The following TBCK variants were observed in gnomAD, a reference collection of about 807,000 sequenced individuals.
The protein encoded by TBCK is TBC domain-containing protein kinase-like protein.
A neutral mutation model predicts 113.4 loss-of-function variants in TBCK; 99 were observed. The ratio of observed to expected loss-of-function variants is 0.87; its 90% confidence interval spans 0.74 to 1.03. The LOEUF is 1.03. Ranked by LOEUF, TBCK falls within the 50% of genes least tolerant of loss-of-function variation. The pLI is 0.00. For missense variants in TBCK, 1,045 were observed against 1,061.3 expected (o/e 0.98, Z 0.21); for synonymous variants, 369 against 370.8 (o/e 1.00, Z 0.05).
At chr4:106,280,196 C>T (rs1036163523) in intron 3 of TBCK, among the ~76,000 whole-genome samples, 1 of 151,940 alleles carries the variant, frequency 6.6e-6, no homozygotes, top group African/African-American at 2.4e-5. Flanking sequence ...GATGTTCAGC[C>T]CCTTTTCATA....
intron 1 of TBCK, among the ~76,000 whole-genome samples, chr4:106,312,579 A>G (rs557231668): frequency 6.6e-5 from 10 of 152,126 alleles, no homozygotes; most frequent in Non-Finnish European, 1.3e-4. Context: ...CTAACTTATG[A>G]CTCAGAAATT....
chr4:106,293,001 T>C (rs984312062), intron 3 of TBCK, among the ~76,000 whole-genome samples: 4 of 152,210 alleles, frequency 2.6e-5, no homozygotes, highest in Admixed American at 2.6e-4. Context: ...AGGGCCTTCT[T>C]TCTCCCAACT....
At chr4:106,142,289 A>G (rs1174911551) in intron 23 of TBCK, among the ~76,000 whole-genome samples, 1 of 152,180 alleles carries the variant, frequency 6.6e-6, no homozygotes, top group Non-Finnish European at 1.5e-5. Flanking sequence ...GGTTTGGAGA[A>G]CAAAGGATGA....
At chr4:106,258,735 C>A (rs1762231175) in intron 5 of TBCK, among the ~76,000 whole-genome samples, 1 of 151,918 alleles carries the variant, frequency 6.6e-6, no homozygotes, top group Non-Finnish European at 1.5e-5. Context: ...AAAGAAGCAG[C>A]AGCAATCACT....
intron 23 of TBCK, among the ~76,000 whole-genome samples, chr4:106,144,542 G>A (rs1747532789): frequency 6.6e-6 from 1 of 152,114 alleles, no homozygotes; most frequent in African/African-American, 2.4e-5. Flanking sequence ...AAAGTGCCTG[G>A]CACATGGTAG....
At chr4:106,130,522 A>G (rs1458485427) in intron 23 of TBCK, among the ~76,000 whole-genome samples, 2 of 151,986 alleles carry the variant, frequency 1.3e-5, no homozygotes, top group Non-Finnish European at 2.9e-5. Flanking sequence ...AGGGGATATT[A>G]TATATTATCA....
chr4:106,236,371 T>A lies in TBCK; in HGVS notation c.1350+19A>T. ...TCCATATGGGCTATTGTTAACACTT[T>A]ATACTTTAGAATCCATACCTTTAGC... On this transcript the variant is annotated intron_variant, in intron 14 of 25. Transcript: ENST00000394708. The A allele has an allele frequency of 7.0e-7, 1 of 1,434,356 alleles. No individual in the cohort carries two copies. The highest frequency in any genetic ancestry group is 9.2e-7 in the Non-Finnish European group (1 of 1,089,894). 88.9% of individuals were successfully genotyped at this position (1,434,356 alleles called of 1,614,324 possible).
chr4:106,056,980 G>A (rs1735507677), intron 25 of TBCK, among the ~76,000 whole-genome samples: 1 of 151,760 alleles, frequency 6.6e-6, no homozygotes, highest in African/African-American at 2.4e-5. Context: ...ATATTTACAT[G>A]AAAGGTTAAC....
intron 3 of TBCK, among the ~76,000 whole-genome samples, chr4:106,278,304 T>A (rs1764218382): frequency 6.6e-6 from 1 of 152,074 alleles, no homozygotes; most frequent in Non-Finnish European, 1.5e-5. Context: ...ATGCCTGTAA[T>A]CCTAGCATTT....
chr4:106,060,325 T>C (rs981430466), intron 25 of TBCK, among the ~76,000 whole-genome samples: 14 of 151,782 alleles, frequency 9.2e-5, no homozygotes, highest in African/African-American at 3.4e-4. Flanking sequence ...CTGACTCTCC[T>C]GTTAGAGGCT....
chr4:106,087,596 G>C (rs1480839673), intron 25 of TBCK, among the ~76,000 whole-genome samples: 1 of 152,138 alleles, frequency 6.6e-6, no homozygotes, highest in Non-Finnish European at 1.5e-5. Context: ...AATTTCATAT[G>C]AAATCAAAGA....
At chr4:106,256,974 T>C (rs973675014) in intron 5 of TBCK, among the ~76,000 whole-genome samples, 1 of 152,112 alleles carries the variant, frequency 6.6e-6, no homozygotes, top group Non-Finnish European at 1.5e-5. Context: ...CACTTGCGTA[T>C]CTTTTTATAA....
Position 106,159,317 on chromosome 4 carries a change from C to G in TBCK, c.2235+11778G>C, listed in dbSNP as rs139928775. On this transcript the variant is annotated intron_variant, in intron 23 of 25. Coordinates refer to ENST00000394708, the MANE Select transcript of TBCK (RefSeq NM_001163435.3). ...GAAATTAGGCAAGAAAAAGAAAAGC[C>G]ATCCACTGAAAAGTAAGAAGTAAAT... Among the ~76,000 whole-genome samples the G allele has an allele frequency of 1.9e-3, 288 of 152,076 alleles. 2 individuals are homozygous for G. The highest frequency in any genetic ancestry group is 6.5e-3 in the African/African-American group (269 of 41,526).
intron 23 of TBCK, among the ~76,000 whole-genome samples, chr4:106,142,455 G>A (rs1158080452): frequency 1.3e-5 from 2 of 152,146 alleles, no homozygotes; most frequent in Admixed American, 1.3e-4. Context: ...AAGTTTATAT[G>A]TAATTTTTGA....
intron 12 of TBCK, among the ~76,000 whole-genome samples, chr4:106,237,156 T>C (rs1579349692): frequency 6.6e-6 from 1 of 151,962 alleles, no homozygotes; most frequent in African/African-American, 2.4e-5. Context: ...AGAAAGATGA[T>C]TAAAAAGAGG....
At chr4:106,269,050 A>T (rs954741405) in intron 3 of TBCK, among the ~76,000 whole-genome samples, 1 of 152,180 alleles carries the variant, frequency 6.6e-6, no homozygotes, top group African/African-American at 2.4e-5. Context: ...CTTTCACCTT[A>T]TAAAACCTGA....
At chr4:106,211,963 A>G (rs1756189036) in intron 20 of TBCK, among the ~76,000 whole-genome samples, 1 of 152,028 alleles carries the variant, frequency 6.6e-6, no homozygotes, top group East Asian at 1.9e-4. Flanking sequence ...CTTCCTAAAA[A>G]ATTATAATTG....
chr4:106,255,213 C>T (rs1417174828), intron 5 of TBCK, among the ~76,000 whole-genome samples: 1 of 152,184 alleles, frequency 6.6e-6, no homozygotes, highest in Non-Finnish European at 1.5e-5. Context: ...AGGAACATAT[C>T]ACGGGATTTT....
intron 1 of TBCK, among the ~76,000 whole-genome samples, chr4:106,309,288 A>G (rs1056770092): frequency 6.9e-6 from 1 of 144,278 alleles, no homozygotes; most frequent in Non-Finnish European, 1.5e-5. Context: ...TCTTCATATT[A>G]TTAATAAGGC....
Sources: allele counts gnomAD v4.1 joint callset (sites outside exome capture counted in the v4.1 genomes callset), GRCh38; gene constraint gnomAD v4.1.1; transcripts MANE v1.5; gene names NCBI Gene and HGNC (gene_info 2026-07-23, HGNC 2026-07-21).